Variants in FLT1 observed in about 807,000 individuals in gnomAD.
FLT1 encodes fms related receptor tyrosine kinase 1.
FLT1 carries 49 observed loss-of-function variants against 156.3 expected under a neutral mutation model. The observed-to-expected ratio is 0.31, with a 90% CI of 0.25 to 0.40. FLT1 has a LOEUF of 0.40. Ranked by LOEUF, FLT1 falls within the 10% of genes least tolerant of loss-of-function variation. The probability of loss-of-function intolerance (pLI) is 1.00; values close to 1 mark genes in which losing one functional copy is unlikely to be tolerated. For missense variants in FLT1, 1,322 were observed against 1,637.2 expected (o/e 0.81, Z 3.32); for synonymous variants, 594 against 583.8 (o/e 1.02, Z -0.25).
At chr13:28,401,380 A>C (rs999342487) in intron 11 of FLT1, among the ~76,000 whole-genome samples, 3 of 152,100 alleles carry the variant, frequency 2.0e-5, no homozygotes, top group Admixed American at 1.3e-4. Context: ...GCTCTTTGGT[A>C]TGACCCAGGA....
chr13:28,467,210 T>C (rs1488769646), intron 2 of FLT1, 81 bp from the exon 3 acceptor site: 2 of 1,082,820 alleles, frequency 1.8e-6, no homozygotes, highest in African/African-American at 3.1e-5. Flanking sequence ...TTCATTTTAT[T>C]AGGAAGCGGA....
intron 1 of FLT1, among the ~76,000 whole-genome samples, chr13:28,479,527 T>A (rs561786243): frequency 1.3e-5 from 2 of 152,204 alleles, no homozygotes; most frequent in Admixed American, 1.3e-4. Flanking sequence ...AAAAATCTTA[T>A]CTTAGATGGA....
chr13:28,303,259 A>AGGTGAAC lies in FLT1; in HGVS notation c.3918_3924dup (p.Tyr1309ValfsTer7). 1 of 1,613,980 alleles carries AGGTGAAC rather than the reference A, an allele frequency of 6.2e-7. No individual in the cohort carries two copies. The highest frequency in any genetic ancestry group is 2.2e-5 in the East Asian group (1 of 44,878). ...TTCCTTTCCAGCTCAGCGTGGTCGT[A>AGGTGAAC]GGTGAACCTGCGCTTGCCTTCGCTG... On this transcript the variant is annotated frameshift_variant, in exon 30 of 30. Coordinates refer to ENST00000282397, the MANE Select transcript of FLT1 (RefSeq NM_002019.4). LOFTEE classifies it high-confidence loss of function.
chr13:28,408,636 G>A (rs1875955655), intron 10 of FLT1, among the ~76,000 whole-genome samples: 1 of 152,126 alleles, frequency 6.6e-6, no homozygotes, highest in Non-Finnish European at 1.5e-5. Flanking sequence ...GTCTTGAGGG[G>A]GGAGGAAGCC....
chr13:28,493,109 T>A (rs549809119), intron 1 of FLT1, among the ~76,000 whole-genome samples: 15 of 152,340 alleles, frequency 9.8e-5, no homozygotes, highest in African/African-American at 3.4e-4. Context: ...AAAGTCAGCA[T>A]GTTTTCAAAA....
At chr13:28,319,347 T>C (rs2296188) in intron 24 of FLT1, 76 bp downstream of exon 24, 802,589 of 994,850 alleles carry the variant, frequency 0.81, 330,880 homozygotes, top group Non-Finnish European at 0.86. Flanking sequence ...AAAGGCTGTC[T>C]AACCAAAGGA....
chr13:28,390,078 A>C lies in FLT1; in HGVS notation c.1687T>G (p.Leu563Val). The change falls in exon 13 of 30, where the codon TTG becomes GTG. Residue 563 changes from leucine to valine, a missense_variant. Leu to Val is a conservative substitution (Grantham distance 32). Around this residue, in one of 3 missense-constraint regions of FLT1, gnomAD observed 991 missense variants for 1,254.8 expected, o/e 0.79. Transcript: ENST00000282397. ...TCTCCTTCCGTCGGCATTTTTTCCA[A>C]GTTAACATGAAACCCATTTGGCACA... ...TDVPNGFHVN[L>V]EKMPTEGEDL... 3.7e-6 allele frequency: 6 copies of C among 1,614,194 alleles called. No individual in the cohort carries two copies. The highest frequency in any genetic ancestry group is 5.1e-6 in the Non-Finnish European group (6 of 1,180,002).
At position 28,445,506 on chromosome 13, in the gene FLT1, T is replaced by A. The variant is rs117100591; in HGVS notation, c.389-7161A>T. ...ACAGTGGACATTACTATTAAAATTA[T>A]AAATTAAAAAGCATTATGAAGGAAT... On this transcript the variant is annotated intron_variant, in intron 3 of 29. Coordinates refer to ENST00000282397, the MANE Select transcript of FLT1 (RefSeq NM_002019.4). Among the ~76,000 whole-genome samples the A allele has an allele frequency of 9.5e-3, 1,441 of 152,222 alleles. 11 individuals are homozygous for A. Among genetic ancestry groups the A allele is most frequent in the Non-Finnish European group, 0.016 (1,076 of 68,018 alleles).
intron 11 of FLT1, among the ~76,000 whole-genome samples, chr13:28,400,660 C>A (rs1261444211): frequency 6.6e-6 from 1 of 152,016 alleles, no homozygotes; most frequent in African/African-American, 2.4e-5. Context: ...TTCCTCAGTC[C>A]TTATATCCAA....
chr13:28,425,331 A>T (rs1877276020), intron 10 of FLT1, among the ~76,000 whole-genome samples: 2 of 152,230 alleles, frequency 1.3e-5, no homozygotes, highest in Admixed American at 1.3e-4. Context: ...AATGGCCAAC[A>T]AACATTTAAG....
intron 13 of FLT1, chr13:28,387,738 C>G: frequency 9.5e-7 from 1 of 1,050,270 alleles, no homozygotes; most frequent in Non-Finnish European, 1.1e-6. Flanking sequence ...ATCTTCACCT[C>G]CCTTCATACC....
At chr13:28,425,334 C>T (rs768794323) in intron 10 of FLT1, among the ~76,000 whole-genome samples, 14 of 152,114 alleles carry the variant, frequency 9.2e-5, no homozygotes, top group Non-Finnish European at 1.9e-4. Flanking sequence ...GGCCAACAAA[C>T]ATTTAAGGTA....
intron 3 of FLT1, among the ~76,000 whole-genome samples, chr13:28,465,812 G>A (rs1283831571): frequency 6.6e-6 from 1 of 151,760 alleles, no homozygotes; most frequent in African/African-American, 2.4e-5. Context: ...CTCCAGCATG[G>A]GTGAGAGATC....
intron 18 of FLT1, 148 bp from the exon 19 acceptor site, chr13:28,329,876 C>A: frequency 1.4e-6 from 1 of 719,662 alleles, no homozygotes; most frequent in Non-Finnish European, 2.5e-6. Flanking sequence ...AGTCTCCAGA[C>A]TGTTTTCATT....
intron 11 of FLT1, chr13:28,398,916 G>A: frequency 1.5e-6 from 1 of 684,040 alleles, no homozygotes; most frequent in Non-Finnish European, 2.6e-6. Context: ...AATAATCCAT[G>A]GGAAAGTGTA....
rs977370398 is a variant in FLT1 at position 28,329,688 on chromosome 13, C to T, written c.2634G>A (p.Glu878=). The part of the protein sequence containing the change: ...TASEYKALMT[E]LKILTHIGHH... ...GGCCAATGTGGGTCAAGATTTTTAG[C>T]TCAGTCATCAGAGCTTTGTACTCGC... Residue 878 remains glutamate, a synonymous_variant, in exon 19 of 30, where the codon GAG becomes GAA. Transcript: ENST00000282397. 1 of 1,614,110 alleles carries T rather than the reference C, an allele frequency of 6.2e-7. No homozygotes were observed. Among genetic ancestry groups the T allele is most frequent in the African/African-American group, 1.3e-5 (1 of 74,940 alleles).
intron 1 of FLT1, among the ~76,000 whole-genome samples, chr13:28,494,021 G>A (rs902646009): frequency 6.6e-6 from 1 of 152,238 alleles, no homozygotes; most frequent in Non-Finnish European, 1.5e-5. Flanking sequence ...TCCGCGACAC[G>A]GACTGGACCG....
intron 1 of FLT1, among the ~76,000 whole-genome samples, chr13:28,488,018 T>G (rs1881260550): frequency 6.6e-6 from 1 of 151,314 alleles, no homozygotes; most frequent in South Asian, 2.1e-4. Flanking sequence ...GAGACCAACG[T>G]GGGAGCCAGA....
At chr13:28,389,735 T>A in intron 13 of FLT1, 61 bp downstream of exon 13, 2 of 1,613,616 alleles carry the variant, frequency 1.2e-6, no homozygotes, top group Non-Finnish European at 1.7e-6. Context: ...GGTACAATCA[T>A]TCCTTGTGCT....
Sources: gnomAD v4.1 joint callset for allele counts (sites outside exome capture counted in the v4.1 genomes callset) on GRCh38, gnomAD v4.1.1 for gene constraint, gnomAD v4.1.1 regional missense constraint, MANE v1.5 for transcripts, NCBI Gene and HGNC (gene_info 2026-07-23, HGNC 2026-07-21) for gene names.